The following FBXL7 variants were observed in gnomAD, a reference collection of about 807,000 sequenced individuals.
The protein encoded by FBXL7 is F-box/LRR-repeat protein 7.
FBXL7 carries 12 observed loss-of-function variants against 38.3 expected under a neutral mutation model. The ratio of observed to expected loss-of-function variants is 0.31; its 90% CI spans 0.20 to 0.51. FBXL7 has a LOEUF of 0.51. Among genes scored for constraint, FBXL7 ranks in the 20% least tolerant of loss-of-function variants. The pLI, the probability that FBXL7 is intolerant of heterozygous loss-of-function variation, is 0.98. For missense variants in FBXL7, 567 were observed against 676.4 expected, an observed-to-expected ratio of 0.84 and a Z score of 1.79; for synonymous variants, 297 against 300.9, an observed-to-expected ratio of 0.99 and a Z score of 0.13.
chr5:15,588,804 G>T (rs556708539), intron 1 of FBXL7, among the ~76,000 whole-genome samples: 1 of 152,266 alleles, frequency 6.6e-6, no homozygotes, highest in South Asian at 2.1e-4. Flanking sequence ...TTTCCATGCA[G>T]GTTATGGTAA....
intron 2 of FBXL7, among the ~76,000 whole-genome samples, chr5:15,882,061 C>A (rs1028371357): frequency 6.6e-6 from 1 of 151,994 alleles, no homozygotes; most frequent in African/African-American, 2.4e-5. Context: ...TTTAAAGGAC[C>A]AGGTCAAATG....
intron 2 of FBXL7, among the ~76,000 whole-genome samples, chr5:15,630,888 G>A (rs1740975074): frequency 6.6e-6 from 1 of 151,948 alleles, no homozygotes; most frequent in South Asian, 2.1e-4. Context: ...TGTGATACAA[G>A]TAATTTTTTT....
At chr5:15,751,051 A>G (rs1206989164) in intron 2 of FBXL7, among the ~76,000 whole-genome samples, 1 of 151,880 alleles carries the variant, frequency 6.6e-6, no homozygotes, top group African/African-American at 2.4e-5. Flanking sequence ...TTTTTTTTCA[A>G]AAAGACATAA....
chr5:15,519,321 T>G (rs1181729420), intron 1 of FBXL7, among the ~76,000 whole-genome samples: 2 of 151,968 alleles, frequency 1.3e-5, no homozygotes, highest in African/African-American at 4.8e-5. Context: ...CCAGCCTGGG[T>G]GACAGAGCGA....
intron 2 of FBXL7, among the ~76,000 whole-genome samples, chr5:15,705,654 A>G (rs1367279074): frequency 2.0e-5 from 3 of 152,222 alleles, no homozygotes; most frequent in Non-Finnish European, 4.4e-5. Flanking sequence ...AACATAAATC[A>G]GCCCTCACAT....
chr5:15,889,019 A>G (rs1740796707), intron 2 of FBXL7, among the ~76,000 whole-genome samples: 1 of 152,118 alleles, frequency 6.6e-6, no homozygotes, highest in Non-Finnish European at 1.5e-5. Context: ...GTGTCCCTGT[A>G]GAAATATCTG....
intron 2 of FBXL7, among the ~76,000 whole-genome samples, chr5:15,721,242 T>A (rs1744186844): frequency 6.6e-6 from 1 of 151,544 alleles, no homozygotes; most frequent in Admixed American, 6.6e-5. Flanking sequence ...TTTTCGAAGA[T>A]TTTTTTTTAG....
chr5:15,712,821 A>C (rs1031849501), intron 2 of FBXL7, among the ~76,000 whole-genome samples: 1 of 152,174 alleles, frequency 6.6e-6, no homozygotes, highest in African/African-American at 2.4e-5. Flanking sequence ...TTATGTGTCA[A>C]CTTGTCTCCT....
At position 15,634,505 on chromosome 5, in the gene FBXL7, T is replaced by TGG. The variant is rs34688260; in HGVS notation, c.127+18442_127+18443dup. ...CCTGGCTAATTTTTGTATTTTTAGTTGGGGGGGGGGTTTACCCTAGGGCCA... is the reference window on the plus strand; with the variant it reads ...CCTGGCTAATTTTTGTATTTTTAGTTGGGGGGGGGGGGTTTACCCTAGGGCCA... On this transcript the variant is annotated intron_variant, in intron 2 of 3. Coordinates refer to ENST00000504595, the MANE Select transcript of FBXL7 (RefSeq NM_012304.5). Among the ~76,000 whole-genome samples, 103 of 143,904 alleles carry TGG rather than the reference T, an allele frequency of 7.2e-4. 1 individual carries two copies. The highest frequency in any genetic ancestry group is 4.8e-3 in the South Asian group (21 of 4,398). 94.4% of individuals were successfully genotyped at this position (143,904 alleles called of 152,430 possible).
chr5:15,543,847 C>G (rs1030036649), intron 1 of FBXL7, among the ~76,000 whole-genome samples: 3 of 152,064 alleles, frequency 2.0e-5, no homozygotes, highest in Admixed American at 2.0e-4. Flanking sequence ...TAAATAGGCC[C>G]GGGAAATAAA....
Position 15,939,072 on chromosome 5 carries a change from G to T in FBXL7, c.*1886G>T, listed in dbSNP as rs1742276366. On this transcript the variant is annotated 3_prime_UTR_variant, in exon 4 of 4. Coordinates refer to ENST00000504595, the MANE Select transcript of FBXL7 (RefSeq NM_012304.5). ...TCCTGTGCATACTGTCGTCTTCTGT[G>T]GGGGATGGAGAGGTTAGTGTGATGA... The T allele has an allele frequency of 1.5e-5, 6 of 399,012 alleles. No individual in the cohort carries two copies. Among genetic ancestry groups the T allele is most frequent in the Non-Finnish European group, 2.7e-5 (6 of 226,054 alleles). 24.7% of individuals were successfully genotyped at this position (399,012 alleles called of 1,614,324 possible). A position where few individuals can be genotyped will look rare whatever the true frequency, so the allele number is the denominator to read the frequency against.
chr5:15,773,370 G>A (rs1736779106), intron 2 of FBXL7, among the ~76,000 whole-genome samples: 1 of 152,152 alleles, frequency 6.6e-6, no homozygotes, highest in Non-Finnish European at 1.5e-5. Context: ...CTGGCCAGGT[G>A]TTGTGGCTCA....
At chr5:15,672,786 C>T (rs1742523152) in intron 2 of FBXL7, among the ~76,000 whole-genome samples, 1 of 152,006 alleles carries the variant, frequency 6.6e-6, no homozygotes, top group Non-Finnish European at 1.5e-5. Flanking sequence ...AACTCCTGTC[C>T]TTAAGTGATC....
chr5:15,602,508 AGG>A (rs566512982), intron 1 of FBXL7: 1 of 152,104 alleles, frequency 6.6e-6, no homozygotes, highest in Non-Finnish European at 1.5e-5. Context: ...GAGATGTGGG[AGG>A]GGACAAGGCA....
At chr5:15,588,880 G>T (rs750644435) in intron 1 of FBXL7, among the ~76,000 whole-genome samples, 2 of 152,140 alleles carry the variant, frequency 1.3e-5, no homozygotes, top group Non-Finnish European at 2.9e-5. Flanking sequence ...AAACTGTGAA[G>T]ATTTTAATCC....
chr5:15,690,179 G>A (rs1367162547), intron 2 of FBXL7, among the ~76,000 whole-genome samples: 1 of 152,016 alleles, frequency 6.6e-6, no homozygotes, highest in Non-Finnish European at 1.5e-5. Flanking sequence ...CTTCATGTTA[G>A]AAAACAAGCT....
intron 2 of FBXL7, among the ~76,000 whole-genome samples, chr5:15,887,464 A>C (rs1378505408): frequency 6.6e-6 from 1 of 152,240 alleles, no homozygotes; most frequent in Non-Finnish European, 1.5e-5. Flanking sequence ...GTGTTTGCAC[A>C]TACATAGGAA....
In FBXL7 at chr5:15,828,597, T is replaced by C. The variant is rs1245223326; in HGVS notation, c.128-99293T>C. Among the ~76,000 whole-genome samples, 3 of 152,198 alleles carry C rather than the reference T, an allele frequency of 2.0e-5. No homozygotes were observed. In the South Asian group the frequency reaches 6.2e-4, roughly 31 times the overall value. ...ACACCTTCTGAGATGGCTTCTTGAC[T>C]CTGCACTGTAGGCTCAGGTAACAAG... On this transcript the variant is annotated intron_variant, in intron 2 of 3. Coordinates refer to ENST00000504595, the MANE Select transcript of FBXL7 (RefSeq NM_012304.5).
chr5:15,929,641 A>G (rs72736152), intron 3 of FBXL7, among the ~76,000 whole-genome samples: 20,754 of 149,802 alleles, frequency 0.14, 2,280 homozygotes, highest in African/African-American at 0.31. Flanking sequence ...AAAAAAAAAA[A>G]AAAAGAAAAA....
Sources: gnomAD v4.1 joint callset for allele counts (sites outside exome capture counted in the v4.1 genomes callset) on GRCh38, gnomAD v4.1.1 for gene constraint, MANE v1.5 for transcripts, NCBI Gene and HGNC (gene_info 2026-07-23, HGNC 2026-07-21) for gene names.